CREB5: variants seen among roughly 807,000 people sequenced by gnomAD.
CREB5 encodes the protein cAMP responsive element binding protein 5, also known as cyclic AMP-responsive element-binding protein 5.
A neutral mutation model predicts 57.1 loss-of-function variants in CREB5; 19 were observed. The ratio of observed to expected loss-of-function variants is 0.33; its 90% CI spans 0.23 to 0.49. The LOEUF is 0.49. Among genes scored for constraint, CREB5 ranks in the 20% least tolerant of loss-of-function variants. The pLI is 0.99. For synonymous variants in CREB5, 238 were observed against 238.3 expected, an observed-to-expected ratio of 1.00 and a Z score of 0.01; for missense variants, 579 against 671.6, an observed-to-expected ratio of 0.86 and a Z score of 1.52.
chr7:28,782,905 T>C (rs1807072948), intron 7 of CREB5, among the ~76,000 whole-genome samples: 1 of 152,160 alleles, frequency 6.6e-6, no homozygotes, highest in South Asian at 2.1e-4. Flanking sequence ...TCCACACCCA[T>C]TTATCTGTGC....
chr7:28,499,211 C>T (rs217499), intron 3 of CREB5, among the ~76,000 whole-genome samples: 74,957 of 147,704 alleles, frequency 0.51, 19,127 homozygotes, highest in Non-Finnish European at 0.54. Context: ...GAATCAGAAT[C>T]AAAGTGCAAC....
chr7:28,349,590 A>G (rs1786148832), intron 1 of CREB5, among the ~76,000 whole-genome samples: 1 of 152,150 alleles, frequency 6.6e-6, no homozygotes, highest in Admixed American at 6.5e-5. Context: ...CTATGAACCA[A>G]CTAAGGAAGT....
In CREB5 at chr7:28,479,866, C is replaced by G. The variant is rs140460421; in HGVS notation, c.4-8309C>G. Among the ~76,000 whole-genome samples, 606 of 152,310 alleles carry G rather than the reference C, an allele frequency of 4.0e-3. 5 individuals carry two copies. Among genetic ancestry groups the G allele is most frequent in the African/African-American group, 0.014 (584 of 41,560 alleles). On this transcript the variant is annotated intron_variant, in intron 1 of 10. Coordinates refer to ENST00000357727, the MANE Select transcript of CREB5 (RefSeq NM_182898.4). Reference sequence around the variant, plus strand: ...GCAGAGTGGTCTGGCTTGGGCATCACTGGGCTTGATGCAGTCTCACATGTG... The same window carrying G: ...GCAGAGTGGTCTGGCTTGGGCATCAGTGGGCTTGATGCAGTCTCACATGTG...
intron 4 of CREB5, among the ~76,000 whole-genome samples, chr7:28,512,950 C>T (rs1792776727): frequency 1.3e-5 from 2 of 152,326 alleles, no homozygotes; most frequent in Non-Finnish European, 1.5e-5. Context: ...CTGTTTAACA[C>T]ATGGAACAAG....
intron 4 of CREB5, among the ~76,000 whole-genome samples, chr7:28,562,400 A>G (rs1795310674): frequency 6.6e-6 from 1 of 152,238 alleles, no homozygotes; most frequent in Non-Finnish European, 1.5e-5. Context: ...TAAAATGCTC[A>G]CAGGGATGGT....
intron 4 of CREB5, among the ~76,000 whole-genome samples, chr7:28,557,712 T>C (rs1028134578): frequency 7.9e-5 from 12 of 152,122 alleles, no homozygotes; most frequent in African/African-American, 2.9e-4. Context: ...GGGAAGGAAC[T>C]GGGGATATGT....
intron 5 of CREB5, among the ~76,000 whole-genome samples, chr7:28,622,259 T>A (rs74638346): frequency 0.15 from 20,972 of 142,560 alleles, 1,535 homozygotes; most frequent in Admixed American, 0.19. Context: ...TCTCTCTCTC[T>A]CACACACACA....
At chr7:28,773,865 G>A (rs573187117) in intron 7 of CREB5, among the ~76,000 whole-genome samples, 6 of 152,170 alleles carry the variant, frequency 3.9e-5, no homozygotes, top group Non-Finnish European at 8.8e-5. Flanking sequence ...AAGAGCCTTA[G>A]TCACTTAATC....
At chr7:28,315,707 C>T (rs967291622) in intron 1 of CREB5, among the ~76,000 whole-genome samples, 1 of 152,234 alleles carries the variant, frequency 6.6e-6, no homozygotes, top group Non-Finnish European at 1.5e-5. Flanking sequence ...CTTAATTCAC[C>T]TTCCTGTGTG....
At chr7:28,498,226 TAATAAA>T (rs1336526665) in intron 3 of CREB5, among the ~76,000 whole-genome samples, 2 of 152,156 alleles carry the variant, frequency 1.3e-5, no homozygotes, top group Admixed American at 1.3e-4. Flanking sequence ...GTAGCAACAA[TAATAAA>T]AATAATGTAA....
intron 3 of CREB5, among the ~76,000 whole-genome samples, chr7:28,506,635 C>T (rs983656745): frequency 7.9e-5 from 12 of 152,186 alleles, no homozygotes; most frequent in Admixed American, 1.3e-4. Flanking sequence ...GGCTTTCTTC[C>T]GTGGTCCTTT....
At chr7:28,732,415 G>A (rs1324800150) in intron 7 of CREB5, among the ~76,000 whole-genome samples, 1 of 152,044 alleles carries the variant, frequency 6.6e-6, no homozygotes, top group African/African-American at 2.4e-5. Context: ...ACTGCATATG[G>A]TTTGGGTCAG....
At chr7:28,433,445 T>G (rs747639489) in intron 1 of CREB5, among the ~76,000 whole-genome samples, 5 of 152,202 alleles carry the variant, frequency 3.3e-5, no homozygotes, top group Admixed American at 6.5e-5. Context: ...TCATCTTTGT[T>G]TCTGCTTTTT....
At chr7:28,703,082 T>C (rs1048765508) in intron 5 of CREB5, among the ~76,000 whole-genome samples, 1 of 152,210 alleles carries the variant, frequency 6.6e-6, no homozygotes, top group South Asian at 2.1e-4. Flanking sequence ...AGGAAAATCA[T>C]GCAAGAATGT....
At chr7:28,702,239 A>G (rs1399586173) in intron 5 of CREB5, among the ~76,000 whole-genome samples, 2 of 152,236 alleles carry the variant, frequency 1.3e-5, no homozygotes, top group Non-Finnish European at 2.9e-5. Flanking sequence ...TATAAAAGTT[A>G]TAGGTTTTGA....
At chr7:28,637,596 A>G (rs1438559214) in intron 5 of CREB5, among the ~76,000 whole-genome samples, 1 of 152,210 alleles carries the variant, frequency 6.6e-6, no homozygotes, top group Non-Finnish European at 1.5e-5. Flanking sequence ...GTGACGTTTC[A>G]GATGAGACCC....
intron 7 of CREB5, among the ~76,000 whole-genome samples, chr7:28,790,142 C>A (rs377607876): frequency 3.9e-4 from 60 of 152,256 alleles, no homozygotes; most frequent in Non-Finnish European, 7.1e-4. Flanking sequence ...TTATTTATTT[C>A]TTTGTTTACA....
intron 5 of CREB5, among the ~76,000 whole-genome samples, chr7:28,703,693 C>G (rs1023491509): frequency 6.6e-6 from 1 of 152,174 alleles, no homozygotes. Flanking sequence ...AGAGAGATAA[C>G]TCAACCTTCC....
intron 5 of CREB5, among the ~76,000 whole-genome samples, chr7:28,655,725 TA>T: frequency 1.3e-5 from 2 of 152,354 alleles, no homozygotes; most frequent in East Asian, 3.9e-4. Context: ...TGTGCTTTTT[TA>T]TCACAAAAAT....
Sources: allele counts gnomAD v4.1 joint callset (sites outside exome capture counted in the v4.1 genomes callset), GRCh38; gene constraint gnomAD v4.1.1; transcripts MANE v1.5; gene names NCBI Gene and HGNC (gene_info 2026-07-23, HGNC 2026-07-21).